Variants in LPXN observed in about 807,000 individuals in gnomAD.
The protein encoded by LPXN is leupaxin.
In LPXN, 28 loss-of-function variants were observed where a neutral mutation model predicts 45.6. That is an observed-to-expected ratio of 0.61 (90% CI 0.45 to 0.84). The LOEUF is 0.84. LPXN is among the 40% of genes least tolerant of loss of function. The pLI is 0.00. For missense variants in LPXN, 459 were observed against 475.0 expected (o/e 0.97, Z 0.31); for synonymous variants, 166 against 169.9 (o/e 0.98, Z 0.18).
At position 58,527,744 on chromosome 11, in the gene LPXN, A is replaced by AG. The variant is rs1263450213; in HGVS notation, c.892-22dup. 4.4e-6 allele frequency: 7 copies of AG among 1,602,980 alleles called. No homozygotes were observed. The Admixed American group carries it at 1.2e-4, about 27-fold the overall frequency. On this transcript the variant is annotated intron_variant, in intron 8 of 8. Transcript: ENST00000395074. ...CAGTCCTGGGGTAGAGAGAAGAGAG[A>AG]GAAAAAGAATGCAAATGTCAAGAGG...
At chr11:58,541,075 C>T (rs1470712581) in intron 7 of LPXN, among the ~76,000 whole-genome samples, 2 of 152,088 alleles carry the variant, frequency 1.3e-5, no homozygotes, top group Admixed American at 1.3e-4. Context: ...AGACCTAAAA[C>T]CATAAAAACC....
chr11:58,561,704 A>C (rs1232876221), intron 3 of LPXN, among the ~76,000 whole-genome samples: 1 of 152,210 alleles, frequency 6.6e-6, no homozygotes, highest in Non-Finnish European at 1.5e-5. Context: ...TTCCTAAAAA[A>C]CCTTCCAATC....
In LPXN at chr11:58,573,279, A is replaced by G. The variant is rs563116609; in HGVS notation, c.13+2481T>C. Reference sequence around the variant, plus strand: ...AAAAAAAAGAAAAGAAAAGAAAGAAAAAGAAAAGAAAACTAAGGTAGAAAA... The same window carrying G: ...AAAAAAAAGAAAAGAAAAGAAAGAAGAAGAAAAGAAAACTAAGGTAGAAAA... On this transcript the variant is annotated intron_variant, in intron 1 of 8. Transcript: ENST00000395074. 1.1e-4 allele frequency among the ~76,000 whole-genome samples: 17 copies of G among 151,912 alleles called. No individual in the cohort carries two copies. The East Asian group carries it at 3.3e-3, about 29-fold the overall frequency.
intron 4 of LPXN, among the ~76,000 whole-genome samples, chr11:58,553,355 A>T (rs1854107935): frequency 6.6e-6 from 1 of 151,972 alleles, no homozygotes; most frequent in Admixed American, 6.6e-5. Flanking sequence ...AAAAAAAAAA[A>T]AGATGGTGTT....
chr11:58,566,137 GT>G (rs1031991071), intron 2 of LPXN, among the ~76,000 whole-genome samples: 4 of 150,724 alleles, frequency 2.7e-5, no homozygotes, highest in East Asian at 1.9e-4. Flanking sequence ...AGGAACATGT[GT>G]TTTTTTTCGT....
intron 7 of LPXN, among the ~76,000 whole-genome samples, chr11:58,544,622 C>A (rs1468637852): frequency 6.6e-6 from 1 of 152,112 alleles, no homozygotes; most frequent in African/African-American, 2.4e-5. Flanking sequence ...TGCTGTGATA[C>A]CCCTGCATTT....
chr11:58,571,651 T>C (rs10896794), intron 1 of LPXN, among the ~76,000 whole-genome samples: 29,424 of 149,598 alleles, frequency 0.2, 3,095 homozygotes, highest in Middle Eastern at 0.31. Context: ...TGTTACTCTT[T>C]CAGTTTTTTT....
chr11:58,575,525 G>A (rs1048709064), intron 1 of LPXN, among the ~76,000 whole-genome samples: 4 of 152,194 alleles, frequency 2.6e-5, no homozygotes, highest in East Asian at 1.9e-4. Context: ...AGTTTATTCC[G>A]CGGTTAGCAC....
intron 3 of LPXN, among the ~76,000 whole-genome samples, chr11:58,558,012 G>GA (rs950966054): frequency 1.1e-4 from 17 of 150,026 alleles, no homozygotes; most frequent in East Asian, 2.0e-4. Flanking sequence ...GACAATTTTG[G>GA]AAAAACAAAA....
intron 1 of LPXN, among the ~76,000 whole-genome samples, chr11:58,571,154 A>G (rs922278090): frequency 6.6e-6 from 1 of 152,086 alleles, no homozygotes; most frequent in Non-Finnish European, 1.5e-5. Flanking sequence ...CCAGGGCAAC[A>G]TAGCAAAATC....
chr11:58,529,460 A>G (rs1270591806), intron 7 of LPXN, among the ~76,000 whole-genome samples: 3 of 151,970 alleles, frequency 2.0e-5, no homozygotes, highest in Non-Finnish European at 4.4e-5. Context: ...AATACAAAAA[A>G]TTAGCCAGGT....
chr11:58,565,621 C>T (rs924426654), intron 2 of LPXN, among the ~76,000 whole-genome samples: 1 of 151,724 alleles, frequency 6.6e-6, no homozygotes, highest in Non-Finnish European at 1.5e-5. Context: ...AATTTATTTT[C>T]AAAATAAAAA....
chr11:58,541,330 A>C (rs1853712662), intron 7 of LPXN, among the ~76,000 whole-genome samples: 1 of 152,220 alleles, frequency 6.6e-6, no homozygotes, highest in East Asian at 1.9e-4. Flanking sequence ...AATGAACTCA[A>C]ACAAATTTAC....
chr11:58,558,280 T>C (rs1178236618), intron 3 of LPXN, among the ~76,000 whole-genome samples: 1 of 151,834 alleles, frequency 6.6e-6, no homozygotes, highest in African/African-American at 2.4e-5. Context: ...CGATCGTTCA[T>C]ACCTGTGATC....
rs144255013 is a variant in LPXN at position 58,560,499 on chromosome 11, G to T, written c.218+3656C>A. On this transcript the variant is annotated intron_variant, in intron 3 of 8. Coordinates refer to ENST00000395074, the MANE Select transcript of LPXN (RefSeq NM_004811.3). Reference sequence around the variant, plus strand: ...GGCTGATACCATTACACTTAACTATGATTGTGTGTAATTTTAGAAAACTAA... The same window carrying T: ...GGCTGATACCATTACACTTAACTATTATTGTGTGTAATTTTAGAAAACTAA... Among the ~76,000 whole-genome samples the T allele has an allele frequency of 3.8e-3, 573 of 152,276 alleles. 3 individuals are homozygous for T. The highest frequency in any genetic ancestry group is 0.012 in the African/African-American group (519 of 41,558).
At chr11:58,561,898 T>C (rs1484476727) in intron 3 of LPXN, among the ~76,000 whole-genome samples, 1 of 152,230 alleles carries the variant, frequency 6.6e-6, no homozygotes, top group East Asian at 1.9e-4. Flanking sequence ...CAAATTAAAG[T>C]GCCCACTGCA....
In LPXN at chr11:58,527,734, G is replaced by C. The variant is rs1289092707; in HGVS notation, c.892-11C>G. Reference sequence around the variant, plus strand: ...ACTGGTGAAGCAGTCCTGGGGTAGAGAGAAGAGAGAGAAAAAGAATGCAAA... The same window carrying C: ...ACTGGTGAAGCAGTCCTGGGGTAGACAGAAGAGAGAGAAAAAGAATGCAAA... On this transcript the variant is annotated splice_polypyrimidine_tract_variant and intron_variant, in intron 8 of 8. Transcript: ENST00000395074. The C allele has an allele frequency of 3.7e-6, 6 of 1,607,188 alleles. No individual in the cohort carries two copies. The highest frequency in any genetic ancestry group is 5.1e-6 in the Non-Finnish European group (6 of 1,175,044).
intron 3 of LPXN, among the ~76,000 whole-genome samples, chr11:58,561,278 A>C (rs1380354537): frequency 6.6e-6 from 1 of 152,226 alleles, no homozygotes; most frequent in Non-Finnish European, 1.5e-5. Context: ...GTAGAAGAAA[A>C]GTTGATACTT....
chr11:58,558,247 G>A (rs1312716800), intron 3 of LPXN, among the ~76,000 whole-genome samples: 1 of 151,880 alleles, frequency 6.6e-6, no homozygotes, highest in African/African-American at 2.4e-5. Context: ...GTATGATGTT[G>A]GTAAAGAAGA....
Sources: gnomAD v4.1 joint callset for allele counts (sites outside exome capture counted in the v4.1 genomes callset) on GRCh38, gnomAD v4.1.1 for gene constraint, MANE v1.5 for transcripts, NCBI Gene and HGNC (gene_info 2026-07-23, HGNC 2026-07-21) for gene names.